Variants in SELENOO observed in about 807,000 individuals in gnomAD.
The protein encoded by SELENOO is selenoprotein O.
A neutral mutation model predicts 58.7 loss-of-function variants in SELENOO; 74 were observed. The observed-to-expected ratio is 1.26, with a 90% CI of 1.04 to 1.53. SELENOO has a LOEUF of 1.53. Among genes scored for constraint, SELENOO ranks in the 40% most tolerant of loss-of-function variants. The probability of loss-of-function intolerance (pLI) is 0.00; values close to 1 mark genes in which losing one functional copy is unlikely to be tolerated. For missense variants in SELENOO, 1,149 were observed against 970.0 expected, an observed-to-expected ratio of 1.18 and a Z score of -2.45; for synonymous variants, 543 against 453.2, an observed-to-expected ratio of 1.20 and a Z score of -2.52.
In SELENOO at chr22:50,201,119, C is replaced by T. The variant is rs1364004270; in HGVS notation, c.83C>T (p.Ala28Val). 11 of 1,336,160 alleles carry T rather than the reference C, an allele frequency of 8.2e-6. No homozygotes were observed. The highest frequency in any genetic ancestry group is 3.5e-5 in the Admixed American group (1 of 28,928). The allele number at this position is 1,336,160 out of a possible 1,614,324, so 82.8% of individuals were successfully genotyped here. A position where few individuals can be genotyped will look rare whatever the true frequency, so the allele number is the denominator to read the frequency against. The change falls in exon 1 of 9, where the codon GCG becomes GTG. Residue 28 changes from alanine (A) to valine (V), a missense_variant. Ala to Val is a moderately conservative substitution (Grantham distance 64). Transcript: ENST00000380903. ...LPLGRCSPSP[A>V]PRSTLSGAAM... The stretch of plus-strand genomic sequence containing the variant: ...CTCGGTCGCTGTTCCCCGTCGCCGG[C>T]GCCCCGCTCTACGTTGTCGGGCGCC...
intron 6 of SELENOO, 108 bp downstream of exon 6, chr22:50,215,975 G>A: frequency 1.0e-6 from 1 of 970,444 alleles, no homozygotes; most frequent in Non-Finnish European, 1.5e-6. Context: ...GGGCCCAGGT[G>A]GCTGCTCCGC....
In SELENOO at chr22:50,208,616, G is replaced by A. The variant is rs765715757; in HGVS notation, c.839G>A (p.Arg280Gln). The A allele has an allele frequency of 3.3e-5, 54 of 1,613,808 alleles. No homozygotes were observed. The highest frequency in any genetic ancestry group is 1.3e-4 in the African/African-American group (10 of 74,904). Residue 280 changes from arginine to glutamine, a missense_variant, in exon 3 of 9, where the codon CGA becomes CAA. Arg to Gln is a conservative substitution (Grantham distance 43). Coordinates refer to ENST00000380903, the MANE Select transcript of SELENOO (RefSeq NM_031454.2). ...CCCAGCGTGGGGAGGAACGACATTC[G>A]AGTGCAGCTGCTCGACTATGTCATC... is the stretch of plus-strand genomic sequence containing the variant. ...AGPSVGRNDI[R>Q]VQLLDYVISS...
rs4838863 is a variant in SELENOO, at chr22:50,211,116, A to G, written c.1351+205A>G. Among the ~76,000 whole-genome samples the G allele has an allele frequency of 0.93, 141,855 of 152,278 alleles. 66,199 individuals are homozygous for G. Among genetic ancestry groups the G allele is most frequent in the African/African-American group, 0.98 (40,757 of 41,536 alleles). On this transcript the variant is annotated intron_variant, in intron 5 of 8. Transcript: ENST00000380903. ...TGGAGTCATACGGTGCTTGTTCTGT[A>G]GTGACTGCTTATTTCACTTAGCATA...
At chr22:50,201,985 G>T (rs1191091709) in intron 1 of SELENOO, among the ~76,000 whole-genome samples, 1 of 152,156 alleles carries the variant, frequency 6.6e-6, no homozygotes, top group Non-Finnish European at 1.5e-5. Context: ...ACTTCCCTGC[G>T]GGCAGCCCTT....
At chr22:50,215,997 GATTC>G in intron 6 of SELENOO, 130 bp downstream of exon 6, 3 of 760,176 alleles carry the variant, frequency 3.9e-6, no homozygotes, top group South Asian at 1.8e-5. Context: ...CCCAGGGACA[GATTC>G]AGTCAGGGCT....
intron 1 of SELENOO, among the ~76,000 whole-genome samples, chr22:50,204,257 G>A (rs2064318670): frequency 6.6e-6 from 1 of 152,006 alleles, no homozygotes; most frequent in Non-Finnish European, 1.5e-5. Flanking sequence ...CTTGAACCCG[G>A]GAGGTGGAGC....
Position 50,215,849 on chromosome 22 carries a change from G to C in SELENOO, c.1484G>C (p.Arg495Pro). Residue 495 changes from arginine to proline, a missense_variant, in exon 6 of 9, where the codon CGG becomes CCG. Physicochemically the swap from Arg to Pro is moderately radical, Grantham distance 103. Transcript: ENST00000380903. The stretch of plus-strand genomic sequence containing the variant: ...CTGGAGGAGCTGAGGCTGGCCTTCC[G>C]GCCCCAGATGGATCCCCGGTGGGTA... ...ASLEELRLAF[R>P]PQMDPRQLSM... 6.2e-7 allele frequency: 1 copy of C among 1,609,182 alleles called. No individual in the cohort carries two copies. Among genetic ancestry groups the C allele is most frequent in the Non-Finnish European group, 8.5e-7 (1 of 1,176,682 alleles).
chr22:50,217,514 C>G lies in SELENOO; in HGVS notation c.*145C>G. 1.8e-6 allele frequency: 2 copies of G among 1,114,512 alleles called. No individual in the cohort carries two copies. Among genetic ancestry groups the G allele is most frequent in the Non-Finnish European group, 2.5e-6 (2 of 785,436 alleles). 69.0% of individuals were successfully genotyped at this position (1,114,512 alleles called of 1,614,324 possible). A position where few individuals can be genotyped will look rare whatever the true frequency, so the allele number is the denominator to read the frequency against. On this transcript the variant is annotated 3_prime_UTR_variant, in exon 9 of 9. Transcript: ENST00000380903. ...CGTCTTTCCATGATGGCAGAGACAT[C>G]CAGTCAGGACCTGACCCGTCTCTGT...
chr22:50,208,039 A>G (rs913262082), intron 2 of SELENOO, among the ~76,000 whole-genome samples: 4 of 151,464 alleles, frequency 2.6e-5, no homozygotes, highest in African/African-American at 7.3e-5. Context: ...CAAACGTGGA[A>G]TATGTCTGTG....
chr22:50,216,542 G>GT (rs1372470432), intron 6 of SELENOO, 149 bp from the exon 7 acceptor site: 2 of 717,374 alleles, frequency 2.8e-6, no homozygotes, highest in Non-Finnish European at 4.6e-6. Flanking sequence ...ATCCCTGCCA[G>GT]TGGGGTTCCA....
In SELENOO at chr22:50,208,523, G is replaced by A. The variant is rs1036550892; in HGVS notation, c.759-13G>A. 9 of 1,609,796 alleles carry A rather than the reference G, an allele frequency of 5.6e-6. No individual in the cohort carries two copies. In the African/African-American group the frequency reaches 9.4e-5, roughly 17 times the overall value. ...CAGGTTTGGGCTGTTGACGCCTCGG[G>A]TCTTCCCTCCAGGTTTGGATCCTTT... is the stretch of plus-strand genomic sequence containing the variant. On this transcript the variant is annotated splice_polypyrimidine_tract_variant and intron_variant, in intron 2 of 8. Transcript: ENST00000380903.
In SELENOO at chr22:50,217,042, A is replaced by C; in HGVS notation, c.1759A>C (p.Met587Leu). Residue 587 changes from methionine (M) to leucine (L), a missense_variant, in exon 8 of 9, where the codon ATG becomes CTG. Transcript: ENST00000380903. The part of the protein sequence containing the change: ...AAWQAEHVRV[M>L]HANNPKYVLR... ...CTGGCAGGCTGAGCACGTGCGCGTG[A>C]TGCACGCCAACAACCCGAAGTACGT... 1.2e-6 allele frequency: 2 copies of C among 1,612,480 alleles called. No homozygotes were observed. The highest frequency in any genetic ancestry group is 1.3e-5 in the African/African-American group (1 of 75,066).
intron 2 of SELENOO, among the ~76,000 whole-genome samples, chr22:50,207,991 C>T (rs2064343512): frequency 6.6e-6 from 1 of 151,148 alleles, no homozygotes; most frequent in Non-Finnish European, 1.5e-5. Context: ...GTGCCCCAGA[C>T]TGTGCAGACA....
chr22:50,206,638 C>A, intron 2 of SELENOO, 118 bp downstream of exon 2: 2 of 914,104 alleles, frequency 2.2e-6, no homozygotes. Flanking sequence ...TTGGCCTCTT[C>A]TGAAAGTCCA....
intron 6 of SELENOO, 97 bp downstream of exon 6, chr22:50,215,964 GGGGCCCAGGT>G: frequency 8.6e-7 from 1 of 1,167,538 alleles, no homozygotes; most frequent in Non-Finnish European, 1.2e-6. Flanking sequence ...AGAGCTGGCT[GGGGCCCAGGT>G]GGCTGCTCCG....
Position 50,217,285 on chromosome 22 carries a change from C to A in SELENOO, c.1926C>A (p.Ala642=), listed in dbSNP as rs371194779. ...CCACAGACGCCGAGGCCACGGAAGC[C>A]GACGGGGCGGACGGCAGGCAGCGCT... The part of the protein sequence containing the change: ...GAATDAEATE[A]DGADGRQRSY... Residue 642 remains alanine, a synonymous_variant, in exon 9 of 9, where the codon GCC becomes GCA. Coordinates refer to ENST00000380903, the MANE Select transcript of SELENOO (RefSeq NM_031454.2). 6.2e-6 allele frequency: 10 copies of A among 1,612,454 alleles called. No homozygotes were observed. The Admixed American group carries it at 1.7e-4, about 27-fold the overall frequency.
In SELENOO at chr22:50,217,614, C is replaced by CTG; in HGVS notation, c.*245_*246insTG. 1.9e-6 allele frequency: 2 copies of CTG among 1,070,396 alleles called. No individual in the cohort carries two copies. Among genetic ancestry groups the CTG allele is most frequent in the Non-Finnish European group, 2.7e-6 (2 of 748,868 alleles). 66.3% of individuals were successfully genotyped at this position (1,070,396 alleles called of 1,614,324 possible). Reference sequence around the variant, plus strand: ...CTCCTAAATAAACCAGCAACTCCCTCGAGTCTGTCTCTGTGGTCATTGTTC... The same window carrying CTG: ...CTCCTAAATAAACCAGCAACTCCCTCTGGAGTCTGTCTCTGTGGTCATTGTTC... On this transcript the variant is annotated 3_prime_UTR_variant, in exon 9 of 9. Transcript: ENST00000380903.
At position 50,201,465 on chromosome 22, in the gene SELENOO, C is replaced by G. The variant is rs1459933724; in HGVS notation, c.429C>G (p.His143Gln). 1 of 1,420,892 alleles carries G rather than the reference C, an allele frequency of 7.0e-7. No individual in the cohort carries two copies. The allele number at this position is 1,420,892 out of a possible 1,614,324, so 88.0% of individuals were successfully genotyped here. The change falls in exon 1 of 9, where the codon CAC becomes CAG. Residue 143 changes from histidine (H) to glutamine (Q), a missense_variant. Coordinates refer to ENST00000380903, the MANE Select transcript of SELENOO (RefSeq NM_031454.2). ...AEPAAHCYCG[H>Q]QFGQFAGQLG... ...CCGCCGCGCACTGCTACTGCGGCCA[C>G]CAATTCGGCCAGTTCGCCGGGCAGC...
At chr22:50,216,622 C>T (rs549287075) in intron 6 of SELENOO, 69 bp from the exon 7 acceptor site, 17 of 1,419,828 alleles carry the variant, frequency 1.2e-5, no homozygotes, top group African/African-American at 5.6e-5. Flanking sequence ...CTGGGGCAGG[C>T]GGAGCAGCTG....
Sources: gnomAD v4.1 joint callset for allele counts (sites outside exome capture counted in the v4.1 genomes callset) on GRCh38, gnomAD v4.1.1 for gene constraint, MANE v1.5 for transcripts, NCBI Gene and HGNC (gene_info 2026-07-23, HGNC 2026-07-21) for gene names.